SCN9A: variants seen among roughly 807,000 people sequenced by gnomAD.
SCN9A encodes sodium voltage-gated channel alpha subunit 9.
In SCN9A, 131 loss-of-function variants were observed where a neutral mutation model predicts 187.0. That is an observed-to-expected ratio of 0.70 (90% CI 0.61 to 0.81). The LOEUF is 0.81. SCN9A is among the 30% of genes least tolerant of loss of function. The pLI, the probability that SCN9A is intolerant of heterozygous loss-of-function variation, is 0.00. For synonymous variants in SCN9A, 809 were observed against 808.6 expected (o/e 1.00, Z -0.01); for missense variants, 2,252 against 2,396.6 (o/e 0.94, Z 1.26).
chr2:166,285,911 T>A (rs1462338215), intron 11 of SCN9A, among the ~76,000 whole-genome samples: 2 of 152,152 alleles, frequency 1.3e-5, no homozygotes, highest in Non-Finnish European at 2.9e-5. Context: ...TTCTCCAAAG[T>A]TCCAAATGGG....
intron 24 of SCN9A, among the ~76,000 whole-genome samples, chr2:166,222,583 G>A (rs1319767544): frequency 2.5e-4 from 38 of 151,754 alleles, no homozygotes; most frequent in African/African-American, 5.1e-4. Flanking sequence ...AGCTGAGATC[G>A]CGCCACTGCA....
At chr2:166,361,436 G>C (rs1286985531) in intron 1 of SCN9A, among the ~76,000 whole-genome samples, 1 of 151,980 alleles carries the variant, frequency 6.6e-6, no homozygotes, top group African/African-American at 2.4e-5. Flanking sequence ...CTACCAACAG[G>C]TGGCAATATA....
chr2:166,218,064 A>G (rs1013984318), intron 24 of SCN9A, among the ~76,000 whole-genome samples: 9 of 151,994 alleles, frequency 5.9e-5, no homozygotes, highest in Non-Finnish European at 1.2e-4. Context: ...TAACCCATAC[A>G]TGCAACCTGT....
Position 166,199,363 on chromosome 2 carries a change from A to G in SCN9A, c.5276T>C (p.Ile1759Thr). The G allele has an allele frequency of 6.2e-7, 1 of 1,614,238 alleles. No individual in the cohort carries two copies. The highest frequency in any genetic ancestry group is 8.5e-7 in the Non-Finnish European group (1 of 1,180,052). Residue 1759 changes from isoleucine to threonine, a missense_variant, in exon 27 of 27, where the codon ATA becomes ACA. Ile to Thr is a moderately conservative substitution (Grantham distance 89). This residue lies in a region of SCN9A where 345 missense variants were observed against 344.6 expected (regional missense o/e 1.00). Transcript: ENST00000642356. ...AGTGGCAACACTAAAATTCTCCAGT[A>G]TGACTGCAATGTACATGTTCACCAC... Reference protein sequence around the residue: ...LVVVNMYIAVILENFSVATEE... With the variant: ...LVVVNMYIAVTLENFSVATEE...
intron 24 of SCN9A, among the ~76,000 whole-genome samples, chr2:166,214,660 G>A (rs1289063749): frequency 4.7e-5 from 7 of 148,670 alleles, no homozygotes; most frequent in East Asian, 2.0e-4. Context: ...GACTACAGGC[G>A]CCCGCTACCA....
intron 18 of SCN9A, among the ~76,000 whole-genome samples, chr2:166,243,364 A>C (rs1695649030): frequency 6.6e-6 from 1 of 152,028 alleles, no homozygotes; most frequent in Non-Finnish European, 1.5e-5. Flanking sequence ...TCCTTTCCTC[A>C]GTGAATTTAT....
At chr2:166,255,225 G>A (rs930089061) in intron 17 of SCN9A, among the ~76,000 whole-genome samples, 3 of 151,392 alleles carry the variant, frequency 2.0e-5, no homozygotes, top group African/African-American at 7.3e-5. Flanking sequence ...GTAAACTTAT[G>A]TAGCTATTTA....
chr2:166,261,217 T>C (rs1252294864), intron 17 of SCN9A, among the ~76,000 whole-genome samples: 1 of 151,944 alleles, frequency 6.6e-6, no homozygotes, highest in Non-Finnish European at 1.5e-5. Context: ...ACCTTGTTAA[T>C]ACCTTCCAAG....
chr2:166,232,622 GA>G (rs1377258976), intron 21 of SCN9A, among the ~76,000 whole-genome samples: 3 of 151,726 alleles, frequency 2.0e-5, no homozygotes, highest in African/African-American at 7.2e-5. Flanking sequence ...CATTTAATAT[GA>G]AAAAAGTCAC....
intron 16 of SCN9A, 157 bp downstream of exon 16, chr2:166,276,824 TTC>T (rs1697254819): frequency 3.4e-6 from 2 of 590,856 alleles, no homozygotes; most frequent in Non-Finnish European, 5.0e-6. Context: ...CAAAATTTCG[TTC>T]TCTTTCCTGT....
At chr2:166,284,185 A>G (rs1697622423) in intron 12 of SCN9A, among the ~76,000 whole-genome samples, 1 of 152,290 alleles carries the variant, frequency 6.6e-6, no homozygotes, top group South Asian at 2.1e-4. Flanking sequence ...TCCGTCATAA[A>G]TTGTTCTCTA....
intron 14 of SCN9A, among the ~76,000 whole-genome samples, chr2:166,278,814 G>A (rs1697351730): frequency 6.6e-6 from 1 of 152,110 alleles, no homozygotes; most frequent in Non-Finnish European, 1.5e-5. Context: ...CAATGTGGCA[G>A]CTAAAGTAAT....
At chr2:166,307,463 T>G (rs1698797992) in intron 2 of SCN9A, among the ~76,000 whole-genome samples, 1 of 152,214 alleles carries the variant, frequency 6.6e-6, no homozygotes, top group Non-Finnish European at 1.5e-5. Flanking sequence ...TCTCTAATAT[T>G]TTTATCATAA....
At chr2:166,269,593 A>T (rs1696889784) in intron 17 of SCN9A, among the ~76,000 whole-genome samples, 1 of 152,094 alleles carries the variant, frequency 6.6e-6, no homozygotes, top group African/African-American at 2.4e-5. Context: ...ATAACTGTGA[A>T]TAAAATCACT....
rs1025710597 is a variant in SCN9A, at chr2:166,329,258, G to A, written c.-50-17452C>T. ...AGTAAAAAAATGCCTAAATATTATC[G>A]GTTCCTTACTTTTCAAATTACCAAA... On this transcript the variant is annotated intron_variant, in intron 1 of 26. Coordinates refer to ENST00000642356, the MANE Select transcript of SCN9A (RefSeq NM_001365536.1). 8.6e-5 allele frequency among the ~76,000 whole-genome samples: 13 copies of A among 151,846 alleles called. No individual in the cohort carries two copies. In the East Asian group the frequency reaches 2.3e-3, roughly 27 times the overall value.
chr2:166,359,382 T>G (rs1029054107), intron 1 of SCN9A, among the ~76,000 whole-genome samples: 1 of 152,122 alleles, frequency 6.6e-6, no homozygotes, highest in Admixed American at 6.5e-5. Context: ...GTATGCCAAG[T>G]ATAATATCAC....
At chr2:166,341,648 G>A (rs1699787602) in intron 1 of SCN9A, among the ~76,000 whole-genome samples, 1 of 152,188 alleles carries the variant, frequency 6.6e-6, no homozygotes, top group Non-Finnish European at 1.5e-5. Context: ...TAAATTCTTA[G>A]TTCACAGTTG....
chr2:166,275,232 G>A (rs1167510968), intron 16 of SCN9A, among the ~76,000 whole-genome samples: 1 of 152,044 alleles, frequency 6.6e-6, no homozygotes, highest in Non-Finnish European at 1.5e-5. Context: ...CTTTGATGTG[G>A]CATGTTTTCA....
chr2:166,361,175 A>G (rs1700275117), intron 1 of SCN9A, among the ~76,000 whole-genome samples: 1 of 151,964 alleles, frequency 6.6e-6, no homozygotes, highest in Admixed American at 6.6e-5. Context: ...AACTTAGCAC[A>G]TTTCCTGTTA....
Sources: allele counts gnomAD v4.1 joint callset (sites outside exome capture counted in the v4.1 genomes callset), GRCh38; gene constraint gnomAD v4.1.1; regional missense constraint gnomAD v4.1.1; transcripts MANE v1.5; gene names NCBI Gene and HGNC (gene_info 2026-07-23, HGNC 2026-07-21).